DDX4: variants seen among roughly 807,000 people sequenced by gnomAD.
DDX4 encodes the protein probable ATP-dependent RNA helicase DDX4.
In DDX4, 25 loss-of-function variants were observed where a neutral mutation model predicts 100.0. The ratio of observed to expected loss-of-function variants is 0.25; its 90% CI spans 0.18 to 0.35. The LOEUF (loss-of-function observed/expected upper bound fraction) is 0.35, where lower values mean the gene tolerates loss of function less well. Ranked by LOEUF, DDX4 falls within the 10% of genes least tolerant of loss-of-function variation. The pLI, the probability that DDX4 is intolerant of heterozygous loss-of-function variation, is 1.00. For missense variants in DDX4, 635 were observed against 882.4 expected, an observed-to-expected ratio of 0.72 and a Z score of 3.55; for synonymous variants, 259 against 275.7, an observed-to-expected ratio of 0.94 and a Z score of 0.60.
chr5:55,782,430 G>A (rs192689803), intron 10 of DDX4: 201 of 158,278 alleles, frequency 1.3e-3, no homozygotes, highest in African/African-American at 4.5e-3. Flanking sequence ...TGAAACCCCC[G>A]TCTCTACTAA....
At chr5:55,815,794 T>C (rs1379133848) in intron 21 of DDX4, among the ~76,000 whole-genome samples, 1 of 148,832 alleles carries the variant, frequency 6.7e-6, no homozygotes, top group Non-Finnish European at 1.5e-5. Flanking sequence ...TTTTTTGAGA[T>C]AGTGTCTGGC....
In DDX4 at chr5:55,816,750, C is replaced by T. The variant is rs1744443242; in HGVS notation, c.*210C>T. The T allele has an allele frequency of 2.6e-6, 2 of 769,034 alleles. No homozygotes were observed. Among genetic ancestry groups the T allele is most frequent in the South Asian group, 6.1e-5 (2 of 33,028 alleles). The allele number at this position is 769,034 out of a possible 1,614,324, so 47.6% of individuals were successfully genotyped here. A position where few individuals can be genotyped will look rare whatever the true frequency, so the allele number is the denominator to read the frequency against. ...CAGTTACTGATACAAATGGTGTTAA[C>T]TGGGAATATTAAAGCATTCTAAATG... On this transcript the variant is annotated 3_prime_UTR_variant, in exon 22 of 22. Transcript: ENST00000505374.
At position 55,779,492 on chromosome 5, in the gene DDX4, T is replaced by C. The variant is rs554846246; in HGVS notation, c.395-472T>C. Among the ~76,000 whole-genome samples the C allele has an allele frequency of 1.2e-4, 19 of 152,314 alleles. No homozygotes were observed. In the South Asian group the frequency reaches 3.1e-3, roughly 25 times the overall value. ...GCAATTAAATTTTACTTGAACTGCT[T>C]CTACTAATCTTTTGGTATTCAATTC... On this transcript the variant is annotated intron_variant, in intron 7 of 21. Transcript: ENST00000505374.
At chr5:55,800,581 C>A (rs917689944) in intron 18 of DDX4, among the ~76,000 whole-genome samples, 2 of 152,128 alleles carry the variant, frequency 1.3e-5, no homozygotes, top group African/African-American at 4.8e-5. Context: ...GCCTCGGCCT[C>A]CCAAAGTGCT....
At chr5:55,778,505 A>G (rs1421655148) in intron 7 of DDX4, among the ~76,000 whole-genome samples, 1 of 152,236 alleles carries the variant, frequency 6.6e-6, no homozygotes, top group East Asian at 1.9e-4. Flanking sequence ...TAAAAAAGGT[A>G]GTAGACATAA....
At chr5:55,808,974 C>G (rs1305288731) in intron 18 of DDX4, among the ~76,000 whole-genome samples, 1 of 152,228 alleles carries the variant, frequency 6.6e-6, no homozygotes, top group Non-Finnish European at 1.5e-5. Flanking sequence ...CCAGTTCGAG[C>G]TTCCTGGCCG....
intron 16 of DDX4, 83 bp from the exon 17 acceptor site, chr5:55,792,547 TTCTTAACAGTA>T (rs1742646366): frequency 1.5e-4 from 100 of 650,250 alleles, no homozygotes; most frequent in Non-Finnish European, 1.7e-4. Context: ...TTTTTTTTTT[TTCTTAACAGTA>T]TTTTAACAGT....
At chr5:55,781,708 T>C (rs553537078) in intron 9 of DDX4, among the ~76,000 whole-genome samples, 1 of 148,564 alleles carries the variant, frequency 6.7e-6, no homozygotes, top group East Asian at 2.0e-4. Flanking sequence ...ACCCAGGAGA[T>C]GGAGGTTGCA....
chr5:55,766,207 A>G (rs1040033581), intron 6 of DDX4, among the ~76,000 whole-genome samples: 4 of 152,012 alleles, frequency 2.6e-5, no homozygotes. Context: ...TCCTAACTGT[A>G]TAGAGATCAC....
intron 3 of DDX4, among the ~76,000 whole-genome samples, chr5:55,757,844 G>C (rs1316657100): frequency 6.6e-6 from 1 of 152,082 alleles, no homozygotes; most frequent in Non-Finnish European, 1.5e-5. Context: ...AGGAGTTCGA[G>C]ACCTGCTTGG....
intron 3 of DDX4, among the ~76,000 whole-genome samples, chr5:55,758,225 C>CT (rs1760064429): frequency 1.3e-5 from 2 of 152,046 alleles, no homozygotes; most frequent in South Asian, 2.1e-4. Context: ...TGTGTGTTAC[C>CT]TTTTTTTAGA....
chr5:55,775,016 T>A (rs62361899), intron 7 of DDX4, among the ~76,000 whole-genome samples: 16,686 of 152,228 alleles, frequency 0.11, 1,047 homozygotes, highest in East Asian at 0.15. Context: ...AGACAACAAT[T>A]CCCTGTGTAC....
chr5:55,794,979 T>C (rs1407178183), intron 17 of DDX4, among the ~76,000 whole-genome samples: 1 of 150,582 alleles, frequency 6.6e-6, no homozygotes, highest in Non-Finnish European at 1.5e-5. Flanking sequence ...TTTTTTTTTT[T>C]CTTGAGACAG....
intron 3 of DDX4, among the ~76,000 whole-genome samples, chr5:55,748,931 T>A (rs1274674979): frequency 6.6e-6 from 1 of 152,230 alleles, no homozygotes; most frequent in Non-Finnish European, 1.5e-5. Flanking sequence ...TACCCATGCT[T>A]ACCTTCCATG....
chr5:55,788,104 G>T, intron 15 of DDX4, 104 bp downstream of exon 15: 1 of 964,662 alleles, frequency 1.0e-6, no homozygotes, highest in South Asian at 2.1e-5. Context: ...GTAATTTTTA[G>T]CATTACTTAA....
intron 21 of DDX4, 77 bp from the exon 22 acceptor site, chr5:55,816,386 G>C (rs1344284812): frequency 2.6e-6 from 4 of 1,520,746 alleles, no homozygotes; most frequent in Non-Finnish European, 3.5e-6. Context: ...CTCTCAGTCT[G>C]AGTGATGTAA....
Position 55,754,318 on chromosome 5 carries a change from ATAGC to A in DDX4, c.128-5880_128-5877del, listed in dbSNP as rs1398732420. Reference sequence around the variant, plus strand: ...GATATTGGCTGTGGGTTTGTCATAGATAGCTCTTATTATTTTGAAATACGTCCCA... The same window carrying A: ...GATATTGGCTGTGGGTTTGTCATAGATCTTATTATTTTGAAATACGTCCCA... On this transcript the variant is annotated intron_variant, in intron 3 of 21. Coordinates refer to ENST00000505374, the MANE Select transcript of DDX4 (RefSeq NM_024415.3). Among the ~76,000 whole-genome samples the A allele has an allele frequency of 2.2e-5, 3 of 136,668 alleles. No homozygotes were observed. The Admixed American group carries it at 2.3e-4, about 10-fold the overall frequency. 89.7% of individuals were successfully genotyped at this position (136,668 alleles called of 152,430 possible).
At chr5:55,785,588 T>A (rs1249772456) in intron 12 of DDX4, 94 bp downstream of exon 12, 1 of 1,323,850 alleles carries the variant, frequency 7.6e-7, no homozygotes, top group South Asian at 1.4e-5. Flanking sequence ...TTTTAAAAAT[T>A]TGAACAGTGA....
At chr5:55,755,030 A>C (rs566375241) in intron 3 of DDX4, among the ~76,000 whole-genome samples, 4 of 152,018 alleles carry the variant, frequency 2.6e-5, no homozygotes, top group African/African-American at 9.7e-5. Flanking sequence ...CTTTTTTTCA[A>C]TATGGTGAGA....
Sources: allele counts gnomAD v4.1 joint callset (sites outside exome capture counted in the v4.1 genomes callset), GRCh38; gene constraint gnomAD v4.1.1; transcripts MANE v1.5; gene names NCBI Gene and HGNC (gene_info 2026-07-23, HGNC 2026-07-21).